GPR176: variants seen among roughly 807,000 people sequenced by gnomAD.
The protein encoded by GPR176 is G protein-coupled receptor 176.
GPR176 carries 26 observed loss-of-function variants against 35.4 expected under a neutral mutation model. That is an observed-to-expected ratio of 0.74 (90% confidence interval 0.54 to 1.02). GPR176 has a LOEUF of 1.02. Among genes scored for constraint, GPR176 ranks in the 50% least tolerant of loss-of-function variants. GPR176 has a pLI of 0.00. For synonymous variants in GPR176, 278 were observed against 271.3 expected (o/e 1.02, Z -0.24); for missense variants, 597 against 665.3 (o/e 0.90, Z 1.13).
chr15:39,916,903 T>C (rs1470493507), intron 1 of GPR176, among the ~76,000 whole-genome samples: 1 of 152,246 alleles, frequency 6.6e-6, no homozygotes, highest in African/African-American at 2.4e-5. Flanking sequence ...ACTTAAGCTC[T>C]GAGCCTCAAC....
At chr15:39,912,343 G>A (rs561972059) in intron 1 of GPR176, among the ~76,000 whole-genome samples, 1 of 152,164 alleles carries the variant, frequency 6.6e-6, no homozygotes, top group African/African-American at 2.4e-5. Context: ...ATGGCTAGGT[G>A]AAGTGGCTCA....
At chr15:39,891,929 T>C (rs1293934448) in intron 1 of GPR176, among the ~76,000 whole-genome samples, 1 of 152,200 alleles carries the variant, frequency 6.6e-6, no homozygotes, top group African/African-American at 2.4e-5. Context: ...CTTGATTAAT[T>C]GAAGCTATCA....
At chr15:39,850,193 T>C (rs923732632) in intron 1 of GPR176, among the ~76,000 whole-genome samples, 1 of 152,162 alleles carries the variant, frequency 6.6e-6, no homozygotes, top group South Asian at 2.1e-4. Flanking sequence ...ACAAACATTA[T>C]ATACTTGGGC....
chr15:39,820,300 G>T (rs1900185170), intron 1 of GPR176, among the ~76,000 whole-genome samples: 1 of 85,100 alleles, frequency 1.2e-5, no homozygotes, highest in Non-Finnish European at 2.4e-5. Context: ...GGAAGTGATG[G>T]ATCATCGAAG....
At chr15:39,872,939 G>A (rs1300686660) in intron 1 of GPR176, among the ~76,000 whole-genome samples, 1 of 149,824 alleles carries the variant, frequency 6.7e-6, no homozygotes, top group Admixed American at 6.7e-5. Context: ...GTGTGTGTGT[G>A]TGTGTGTGTG....
Position 39,919,967 on chromosome 15 carries a change from G to A in GPR176, c.60C>T (p.Gly20=), listed in dbSNP as rs951806109. The change falls in exon 1 of 3, where the codon GGC becomes GGT. Residue 20 remains glycine (G), a synonymous_variant. Coordinates refer to ENST00000561100, the MANE Select transcript of GPR176 (RefSeq NM_007223.3). The part of the protein sequence containing the change: ...PNASEPHNAS[G]AEAAGVNRSA... ...TGCGGTTCACACCCGCAGCCTCGGC[G>A]CCGGACGCGTTGTGCGGCTCGCTGG... 2 of 1,481,576 alleles carry A rather than the reference G, an allele frequency of 1.3e-6. No homozygotes were observed. Among genetic ancestry groups the A allele is most frequent in the Admixed American group, 2.5e-5 (1 of 39,606 alleles). 91.8% of individuals were successfully genotyped at this position (1,481,576 alleles called of 1,614,324 possible).
chr15:39,831,430 T>C (rs1770556734), intron 1 of GPR176, among the ~76,000 whole-genome samples: 1 of 152,110 alleles, frequency 6.6e-6, no homozygotes, highest in Non-Finnish European at 1.5e-5. Flanking sequence ...AAACAACCCA[T>C]TTCCCCATGG....
chr15:39,835,066 A>G (rs1901309586), intron 1 of GPR176, among the ~76,000 whole-genome samples: 2 of 152,070 alleles, frequency 1.3e-5, no homozygotes, highest in African/African-American at 4.8e-5. Flanking sequence ...TGCCCAGGCT[A>G]GAGTGCAATG....
At chr15:39,848,538 A>G (rs1331374469) in intron 1 of GPR176, among the ~76,000 whole-genome samples, 1 of 152,204 alleles carries the variant, frequency 6.6e-6, no homozygotes, top group Non-Finnish European at 1.5e-5. Flanking sequence ...CACAAGATAT[A>G]TATCAAGATA....
chr15:39,910,812 C>T (rs528026217), intron 1 of GPR176, among the ~76,000 whole-genome samples: 57 of 152,012 alleles, frequency 3.7e-4, no homozygotes, highest in African/African-American at 1.3e-3. Context: ...CCAAGGCAGA[C>T]GGATCACCTA....
At chr15:39,852,595 T>C (rs573796674) in intron 1 of GPR176, among the ~76,000 whole-genome samples, 16 of 152,324 alleles carry the variant, frequency 1.1e-4, no homozygotes, top group South Asian at 6.2e-4. Flanking sequence ...ATGGGTCTCT[T>C]AGCCTTTCTC....
At chr15:39,876,174 A>G (rs1162817865) in intron 1 of GPR176, among the ~76,000 whole-genome samples, 3 of 151,946 alleles carry the variant, frequency 2.0e-5, no homozygotes, top group Non-Finnish European at 4.4e-5. Context: ...CAAGAAATAC[A>G]TATTTTTAAA....
At chr15:39,810,220 C>G (rs1162522257) in intron 1 of GPR176, among the ~76,000 whole-genome samples, 1 of 151,236 alleles carries the variant, frequency 6.6e-6, no homozygotes, top group Non-Finnish European at 1.5e-5. Flanking sequence ...ATGGAACAGA[C>G]CTGCACATCC....
At position 39,893,514 on chromosome 15, in the gene GPR176, G is replaced by A. The variant is rs571567880; in HGVS notation, c.172+26341C>T. On this transcript the variant is annotated intron_variant, in intron 1 of 2. Transcript: ENST00000561100. ...TCCCATGTCTACTTCTTTCTACACA[G>A]ACACGGCAACCATCCGATTTCTCAA... Among the ~76,000 whole-genome samples, 372 of 152,322 alleles carry A rather than the reference G, an allele frequency of 2.4e-3. 2 individuals are homozygous for A. Among genetic ancestry groups the A allele is most frequent in the Admixed American group, 0.021 (328 of 15,302 alleles).
chr15:39,823,266 C>T (rs1900397769), intron 1 of GPR176, among the ~76,000 whole-genome samples: 1 of 152,168 alleles, frequency 6.6e-6, no homozygotes, highest in Admixed American at 6.5e-5. Flanking sequence ...CATATGCCCA[C>T]TTGACTTCTT....
chr15:39,849,473 C>A (rs1566950308), intron 1 of GPR176, among the ~76,000 whole-genome samples: 1 of 152,056 alleles, frequency 6.6e-6, no homozygotes, highest in Admixed American at 6.6e-5. Flanking sequence ...AAAGAAAGTA[C>A]AAAAGAGTAC....
intron 1 of GPR176, among the ~76,000 whole-genome samples, chr15:39,855,336 G>A (rs2031145013): frequency 6.6e-6 from 1 of 152,154 alleles, no homozygotes. Flanking sequence ...TTCGTCTTGT[G>A]TGTCCCAACT....
At chr15:39,824,808 T>C (rs1037754707) in intron 1 of GPR176, among the ~76,000 whole-genome samples, 4 of 152,214 alleles carry the variant, frequency 2.6e-5, no homozygotes, top group Non-Finnish European at 4.4e-5. Flanking sequence ...GAGCTACATA[T>C]CCACAAGCTC....
At chr15:39,860,551 G>T (rs944436386) in intron 1 of GPR176, among the ~76,000 whole-genome samples, 1 of 152,172 alleles carries the variant, frequency 6.6e-6, no homozygotes, top group Non-Finnish European at 1.5e-5. Flanking sequence ...TAATTTTAGA[G>T]TGTCTGTTGA....
Sources: allele counts gnomAD v4.1 joint callset (sites outside exome capture counted in the v4.1 genomes callset), GRCh38; gene constraint gnomAD v4.1.1; transcripts MANE v1.5; gene names NCBI Gene and HGNC (gene_info 2026-07-23, HGNC 2026-07-21).